The following CEP15 variants were observed in gnomAD, a reference collection of about 807,000 sequenced individuals.
CEP15 encodes centrosomal protein 15.
chr3:62,336,134 A>G, the CEP15 span: 1 of 152,138 alleles, frequency 6.6e-6, no homozygotes, highest in East Asian at 1.9e-4. The surrounding 1 kb of genome is among the most constrained non-coding windows in gnomAD (Gnocchi z 4.4). Context: ...ATTTTGCATT[A>G]TCCCCCTTTT....
At chr3:62,320,555 T>C in the CEP15 span, 1 of 1,550,460 alleles carries the variant, frequency 6.4e-7, no homozygotes. Context: ...GATTCAGATA[T>C]AGAAATTGGA....
the CEP15 span, among the ~76,000 whole-genome samples, chr3:62,330,460 A>G: frequency 6.6e-6 from 1 of 152,182 alleles, no homozygotes; most frequent in Non-Finnish European, 1.5e-5. Flanking sequence ...CATTTATTAG[A>G]CAATGCTCAA....
chr3:62,328,025 C>T, the CEP15 span, among the ~76,000 whole-genome samples: 2 of 152,130 alleles, frequency 1.3e-5, no homozygotes, highest in African/African-American at 4.8e-5. Flanking sequence ...ATTCCAGGCT[C>T]ATTGTGTGCC....
At chr3:62,331,648 G>A in the CEP15 span, among the ~76,000 whole-genome samples, 3 of 152,036 alleles carry the variant, frequency 2.0e-5, no homozygotes, top group East Asian at 1.9e-4. Flanking sequence ...TTTTCACCTT[G>A]TCACTTAGAA....
chr3:62,333,429 C>T, the CEP15 span: 12,084 of 1,596,374 alleles, frequency 7.6e-3, 58 homozygotes, highest in Non-Finnish European at 9.2e-3. This position sits in a 1 kb window ranked among gnomAD's most constrained non-coding sequence, Gnocchi z 4.0. Context: ...TTTAATAAAG[C>T]TGAATGTTAA....
the CEP15 span, among the ~76,000 whole-genome samples, chr3:62,329,205 T>G: frequency 6.6e-6 from 1 of 152,114 alleles, no homozygotes; most frequent in African/African-American, 2.4e-5. Flanking sequence ...TTTGAAAATT[T>G]AAATGGCAGG....
chr3:62,332,858 G>A, the CEP15 span, among the ~76,000 whole-genome samples: 1 of 151,992 alleles, frequency 6.6e-6, no homozygotes, highest in Non-Finnish European at 1.5e-5. Context: ...TAATTTCATT[G>A]TAATAATTTC....
At chr3:62,323,720 C>T in the CEP15 span, among the ~76,000 whole-genome samples, 2 of 152,050 alleles carry the variant, frequency 1.3e-5, no homozygotes, top group African/African-American at 4.8e-5. Flanking sequence ...CATAATGAAC[C>T]TGGTTTCATA....
chr3:62,319,238 G>A, the CEP15 span: 2 of 152,470 alleles, frequency 1.3e-5, no homozygotes, highest in Admixed American at 1.3e-4. Context: ...AGAAGGTGCG[G>A]ATCTTCGATT....
the CEP15 span, among the ~76,000 whole-genome samples, chr3:62,321,587 A>T: frequency 6.6e-6 from 1 of 152,200 alleles, no homozygotes; most frequent in Non-Finnish European, 1.5e-5. The surrounding 1 kb of genome is among the most constrained non-coding windows in gnomAD (Gnocchi z 4.1). Flanking sequence ...GTACAAAGGG[A>T]TATGTATTAC....
At chr3:62,319,084 C>A in the CEP15 span, 1 of 152,314 alleles carries the variant, frequency 6.6e-6, no homozygotes, top group Non-Finnish European at 1.5e-5. Context: ...TGGGTGGGTG[C>A]CCTGACTGCC....
the CEP15 span, among the ~76,000 whole-genome samples, chr3:62,325,660 T>C: frequency 6.6e-6 from 1 of 152,194 alleles, no homozygotes; most frequent in Non-Finnish European, 1.5e-5. Context: ...AATTGTGTTT[T>C]TTATAAATAC....
At chr3:62,331,250 A>G in the CEP15 span, 18 of 1,265,314 alleles carry the variant, frequency 1.4e-5, no homozygotes, top group African/African-American at 2.5e-4. Context: ...GATTTGGGAT[A>G]CAGATATTGC....
chr3:62,331,180 T>G, the CEP15 span: 16 of 597,006 alleles, frequency 2.7e-5, no homozygotes, highest in Non-Finnish European at 4.7e-5. Context: ...ATGATCAGTT[T>G]TCCTACCATA....
At chr3:62,320,762 C>T in the CEP15 span, among the ~76,000 whole-genome samples, 4 of 152,154 alleles carry the variant, frequency 2.6e-5, no homozygotes, top group Non-Finnish European at 5.9e-5. Context: ...CCCCTCCTCC[C>T]ACCCTTTCTA....
At chr3:62,323,084 G>A in the CEP15 span, among the ~76,000 whole-genome samples, 5 of 152,188 alleles carry the variant, frequency 3.3e-5, no homozygotes, top group East Asian at 1.9e-4. Flanking sequence ...CCTGCAGCAC[G>A]TGATATGATA....
chr3:62,327,693 C>T, the CEP15 span, among the ~76,000 whole-genome samples: 1 of 152,196 alleles, frequency 6.6e-6, no homozygotes, highest in Non-Finnish European at 1.5e-5. Flanking sequence ...AGAGAATCTT[C>T]CCCTCATCAC....
chr3:62,322,022 C>T, the CEP15 span: 1 of 1,609,008 alleles, frequency 6.2e-7, no homozygotes, highest in South Asian at 1.1e-5. The surrounding 1 kb of genome is among the most constrained non-coding windows in gnomAD (Gnocchi z 5.5). Context: ...ACTGTTGAGA[C>T]TGCTTTTAAA....
At chr3:62,321,790 A>G in the CEP15 span, 13 of 580,678 alleles carry the variant, frequency 2.2e-5, no homozygotes, top group African/African-American at 2.1e-4. This position sits in a 1 kb window ranked among gnomAD's most constrained non-coding sequence, Gnocchi z 4.1. Flanking sequence ...CTGTCTTATT[A>G]GTCGACATAG....
Sources: allele counts gnomAD v4.1 joint callset (sites outside exome capture counted in the v4.1 genomes callset), GRCh38; gene constraint gnomAD v4.1.1; non-coding constraint Gnocchi (gnomAD v3.1); transcripts MANE v1.5; gene names NCBI Gene and HGNC (gene_info 2026-07-23, HGNC 2026-07-21).